USP15: variants seen among roughly 807,000 people sequenced by gnomAD.
The protein encoded by USP15 is ubiquitin specific peptidase 15.
In USP15, 18 loss-of-function variants were observed where a neutral mutation model predicts 127.1. The ratio of observed to expected loss-of-function variants is 0.14; its 90% CI spans 0.10 to 0.21. USP15 has a LOEUF of 0.21. USP15 is among the 10% of genes least tolerant of loss of function. The probability of loss-of-function intolerance (pLI) is 1.00; values close to 1 mark genes in which losing one functional copy is unlikely to be tolerated. For synonymous variants in USP15, 364 were observed against 393.7 expected, an observed-to-expected ratio of 0.92 and a Z score of 0.89; for missense variants, 805 against 1,159.9, an observed-to-expected ratio of 0.69 and a Z score of 4.44.
intron 6 of USP15, among the ~76,000 whole-genome samples, chr12:62,334,642 G>C (rs1446247339): frequency 2.0e-5 from 3 of 152,096 alleles, no homozygotes; most frequent in South Asian, 2.1e-4. Flanking sequence ...GAAATGGAGA[G>C]TGTAATGTTG....
At chr12:62,354,122 TGTGTGTGTGTGTGC>T (rs936447409) in intron 7 of USP15, among the ~76,000 whole-genome samples, 13 of 150,690 alleles carry the variant, frequency 8.6e-5, no homozygotes, top group African/African-American at 2.9e-4. Context: ...CTGGGGGTGG[TGTGTGTGTGTGTGC>T]GTGTGTGTGT....
chr12:62,299,854 C>G (rs11615693), intron 2 of USP15, among the ~76,000 whole-genome samples: 4 of 152,214 alleles, frequency 2.6e-5, no homozygotes, highest in African/African-American at 7.2e-5. Flanking sequence ...TTATTATAGC[C>G]GTCCAAGTGG....
At chr12:62,357,887 T>G (rs1189353885) in intron 8 of USP15, among the ~76,000 whole-genome samples, 1 of 152,134 alleles carries the variant, frequency 6.6e-6, no homozygotes, top group Non-Finnish European at 1.5e-5. Context: ...CAAAAATTCA[T>G]GTAGTTCATA....
intron 3 of USP15, among the ~76,000 whole-genome samples, chr12:62,303,809 G>T (rs1374934477): frequency 6.6e-6 from 1 of 152,080 alleles, no homozygotes; most frequent in Non-Finnish European, 1.5e-5. Flanking sequence ...AATAGATCTT[G>T]AATGTACCTT....
At position 62,413,613 on chromosome 12, in the gene USP15, C is replaced by T. The variant is rs1041935303; in HGVS notation, c.*9238C>T. The stretch of plus-strand genomic sequence containing the variant: ...CAACCACTGCTAGCTTCAGACTTTT[C>T]TTCTGCAGCTTCCTTACCTTAGCCT... On this transcript the variant is annotated 3_prime_UTR_variant, in exon 22 of 22. Coordinates refer to ENST00000280377, the MANE Select transcript of USP15 (RefSeq NM_001252078.2). 1 of 152,166 alleles carries T rather than the reference C, an allele frequency of 6.6e-6. No homozygotes were observed. Among genetic ancestry groups the T allele is most frequent in the African/African-American group, 2.4e-5 (1 of 41,440 alleles). The allele number at this position is 152,166 out of a possible 1,614,324, so 9.4% of individuals were successfully genotyped here.
At position 62,414,446 on chromosome 12, in the gene USP15, T is replaced by G. The variant is rs1013669597; in HGVS notation, c.*10071T>G. Reference sequence around the variant, plus strand: ...GCCTCCAGCCTCTGGGCTCAAGTGGTCCTCCCACCTCAGCCTCCGAAGTAG... The same window carrying G: ...GCCTCCAGCCTCTGGGCTCAAGTGGGCCTCCCACCTCAGCCTCCGAAGTAG... On this transcript the variant is annotated 3_prime_UTR_variant, in exon 22 of 22. Transcript: ENST00000280377. The G allele has an allele frequency of 1.3e-5, 2 of 152,224 alleles. No homozygotes were observed. Among genetic ancestry groups the G allele is most frequent in the Non-Finnish European group, 2.9e-5 (2 of 68,110 alleles). The allele number at this position is 152,224 out of a possible 1,614,324, so 9.4% of individuals were successfully genotyped here. A position where few individuals can be genotyped will look rare whatever the true frequency, so the allele number is the denominator to read the frequency against.
chr12:62,265,586 A>G lies in USP15; in HGVS notation c.89+5083A>G, dbSNP rs2063172869. ...TCTAGAGACAGAGTCTCGCTTCATC[A>G]CCCAGGCTGGAGTGTAGTGGCATAG... On this transcript the variant is annotated intron_variant, in intron 1 of 21. Transcript: ENST00000280377. 4.6e-5 allele frequency among the ~76,000 whole-genome samples: 7 copies of G among 152,036 alleles called. No homozygotes were observed. The South Asian group carries it at 1.5e-3, about 32-fold the overall frequency.
Position 62,389,778 on chromosome 12 carries a change from G to T in USP15, c.1653-19G>T. 6.2e-7 allele frequency: 1 copy of T among 1,603,510 alleles called. No homozygotes were observed. The highest frequency in any genetic ancestry group is 8.5e-7 in the Non-Finnish European group (1 of 1,174,142). On this transcript the variant is annotated intron_variant, in intron 13 of 21. Transcript: ENST00000280377. ...TAACATAAAATTTTGAGAGTTTATG[G>T]TCAGTTTTGTCCTTGTAGGTTTGAA...
chr12:62,260,876 C>G (rs138834348), intron 1 of USP15, among the ~76,000 whole-genome samples: 1 of 152,234 alleles, frequency 6.6e-6, no homozygotes, highest in East Asian at 1.9e-4. Context: ...CCCGGTGCCG[C>G]GGCTTATCAC....
chr12:62,353,470 C>CGTGT (rs745633337), intron 7 of USP15, among the ~76,000 whole-genome samples: 5 of 151,136 alleles, frequency 3.3e-5, no homozygotes, highest in African/African-American at 1.2e-4. Context: ...AGTCTTTTCA[C>CGTGT]GTGTGTGTGT....
At chr12:62,392,540 A>G (rs2067356820) in intron 18 of USP15, among the ~76,000 whole-genome samples, 153 bp downstream of exon 18, 1 of 152,124 alleles carries the variant, frequency 6.6e-6, no homozygotes, top group Non-Finnish European at 1.5e-5. Context: ...ATTAAGAGGG[A>G]TGGGAATGTC....
chr12:62,326,666 A>T (rs2065136950), intron 6 of USP15, among the ~76,000 whole-genome samples: 1 of 152,232 alleles, frequency 6.6e-6, no homozygotes, highest in Non-Finnish European at 1.5e-5. Context: ...CACCAAATGA[A>T]CTGTGAAAAA....
At chr12:62,342,650 C>T (rs1056285046) in intron 6 of USP15, among the ~76,000 whole-genome samples, 3 of 152,050 alleles carry the variant, frequency 2.0e-5, no homozygotes, top group East Asian at 1.9e-4. Flanking sequence ...TTCTAACAGT[C>T]GGGCCCCTCT....
Position 62,409,301 on chromosome 12 carries a change from G to A in USP15, c.*4926G>A, listed in dbSNP as rs139913465. ...CATTCAAGGAAAATCAGGAATTTAC[G>A]TAATATATTGGACTACAGTCTCAAA... On this transcript the variant is annotated 3_prime_UTR_variant, in exon 22 of 22. Coordinates refer to ENST00000280377, the MANE Select transcript of USP15 (RefSeq NM_001252078.2). The A allele has an allele frequency of 7.2e-4, 110 of 152,208 alleles. 1 individual carries two copies. Among genetic ancestry groups the A allele is most frequent in the African/African-American group, 2.5e-3 (102 of 41,538 alleles). The allele number at this position is 152,208 out of a possible 1,614,324, so 9.4% of individuals were successfully genotyped here. A position where few individuals can be genotyped will look rare whatever the true frequency, so the allele number is the denominator to read the frequency against.
intron 1 of USP15, 123 bp downstream of exon 1, chr12:62,260,626 A>T: frequency 2.2e-6 from 2 of 927,076 alleles, no homozygotes; most frequent in Non-Finnish European, 3.2e-6. Context: ...CCGCCGGGGC[A>T]GCGGGATTTT....
chr12:62,329,360 G>A (rs1227109030), intron 6 of USP15, among the ~76,000 whole-genome samples: 1 of 152,186 alleles, frequency 6.6e-6, no homozygotes, highest in African/African-American at 2.4e-5. Context: ...GACACAGTGA[G>A]ACTCTATCTG....
intron 2 of USP15, among the ~76,000 whole-genome samples, chr12:62,296,625 C>G (rs1397198174): frequency 2.0e-5 from 3 of 152,112 alleles, no homozygotes; most frequent in Admixed American, 1.3e-4. Flanking sequence ...CCCCCAACAC[C>G]CAACAGAAAC....
chr12:62,300,027 AGTTTG>A (rs1346439981), intron 2 of USP15, among the ~76,000 whole-genome samples: 1 of 151,898 alleles, frequency 6.6e-6, no homozygotes, highest in East Asian at 1.9e-4. Context: ...TTGTATTTTC[AGTTTG>A]TTATTTATTT....
chr12:62,382,219 T>C (rs938165135), intron 9 of USP15, among the ~76,000 whole-genome samples: 3 of 151,994 alleles, frequency 2.0e-5, no homozygotes, highest in Non-Finnish European at 4.4e-5. Flanking sequence ...TTGTTACTTA[T>C]CAAATAATTT....
Sources: gnomAD v4.1 joint callset for allele counts (sites outside exome capture counted in the v4.1 genomes callset) on GRCh38, gnomAD v4.1.1 for gene constraint, MANE v1.5 for transcripts, NCBI Gene and HGNC (gene_info 2026-07-23, HGNC 2026-07-21) for gene names.